GPC5: variants seen among roughly 807,000 people sequenced by gnomAD.
The protein encoded by GPC5 is glypican 5.
A neutral mutation model predicts 53.9 loss-of-function variants in GPC5; 47 were observed. That is an observed-to-expected ratio of 0.87 (90% CI 0.69 to 1.11). GPC5 has a LOEUF of 1.11. GPC5 is among the 50% of genes most tolerant of loss of function. The pLI is 0.00. For synonymous variants in GPC5, 286 were observed against 263.3 expected, an observed-to-expected ratio of 1.09 and a Z score of -0.84; for missense variants, 748 against 713.1, an observed-to-expected ratio of 1.05 and a Z score of -0.56.
chr13:91,539,627 G>T (rs1222572884), intron 2 of GPC5, among the ~76,000 whole-genome samples: 1 of 152,086 alleles, frequency 6.6e-6, no homozygotes, highest in East Asian at 1.9e-4. Context: ...CCACATGTGG[G>T]GTCAGCTGAG....
intron 7 of GPC5, among the ~76,000 whole-genome samples, chr13:92,379,636 T>G (rs1367184443): frequency 6.6e-6 from 1 of 151,606 alleles, no homozygotes; most frequent in African/African-American, 2.4e-5. Flanking sequence ...CCTCTCTGTG[T>G]CCTCTGCATA....
intron 3 of GPC5, among the ~76,000 whole-genome samples, chr13:91,707,560 G>T (rs1054619877): frequency 6.6e-6 from 1 of 152,164 alleles, no homozygotes; most frequent in African/African-American, 2.4e-5. Flanking sequence ...CATCCAGGCT[G>T]CAGTGAGCCA....
At chr13:92,100,945 G>GT (rs1204183028) in intron 6 of GPC5, among the ~76,000 whole-genome samples, 6 of 152,162 alleles carry the variant, frequency 3.9e-5, no homozygotes, top group Non-Finnish European at 5.9e-5. Context: ...AAAATGCAAA[G>GT]TGAATGTTAG....
intron 7 of GPC5, among the ~76,000 whole-genome samples, chr13:92,647,777 CTCT>C (rs1001371679): frequency 4.3e-4 from 65 of 152,182 alleles, no homozygotes; most frequent in African/African-American, 1.4e-3. Flanking sequence ...CTCTTCTGAA[CTCT>C]TCTTACTGTA....
intron 6 of GPC5, among the ~76,000 whole-genome samples, chr13:92,095,592 C>T (rs1156630675): frequency 2.6e-5 from 4 of 151,670 alleles, no homozygotes; most frequent in Non-Finnish European, 4.4e-5. Context: ...TGGAGTGCAA[C>T]GGAACCATCT....
At chr13:92,234,469 C>T (rs116875520) in intron 7 of GPC5, among the ~76,000 whole-genome samples, 1,825 of 152,190 alleles carry the variant, frequency 0.012, 18 homozygotes, top group Non-Finnish European at 0.018. Context: ...TAGGGAGCCT[C>T]ACAAGAGAGT....
intron 7 of GPC5, among the ~76,000 whole-genome samples, chr13:92,778,305 T>C (rs1030800028): frequency 9.8e-5 from 15 of 152,312 alleles, no homozygotes; most frequent in Admixed American, 2.0e-4. Context: ...TTATAATGTA[T>C]GGATTTCTAG....
At chr13:92,376,728 T>C (rs1359811762) in intron 7 of GPC5, among the ~76,000 whole-genome samples, 1 of 152,174 alleles carries the variant, frequency 6.6e-6, no homozygotes, top group Non-Finnish European at 1.5e-5. Context: ...GAAACTTCCC[T>C]GACTGGGCTG....
In GPC5 at chr13:92,551,406, G is replaced by GA. The variant is rs11289392; in HGVS notation, c.1562-314866dup. On this transcript the variant is annotated intron_variant, in intron 7 of 7. Coordinates refer to ENST00000377067, the MANE Select transcript of GPC5 (RefSeq NM_004466.6). ...TCAGATTAACCAGATATTTTCAAAG[G>GA]AAAAAAAAAATCTTGAATAACAGTG... Among the ~76,000 whole-genome samples, 210 of 150,474 alleles carry GA rather than the reference G, an allele frequency of 1.4e-3. 1 individual carries two copies. The East Asian group carries it at 0.024, about 17-fold the overall frequency.
At chr13:92,334,199 A>G (rs535644895) in intron 7 of GPC5, among the ~76,000 whole-genome samples, 251 of 152,300 alleles carry the variant, frequency 1.6e-3, no homozygotes, top group Non-Finnish European at 1.9e-3. Context: ...ACAGTTCCAC[A>G]TGGCTAGGGA....
At chr13:92,550,383 T>G (rs2139015196) in intron 7 of GPC5, among the ~76,000 whole-genome samples, 1 of 152,004 alleles carries the variant, frequency 6.6e-6, no homozygotes, top group Middle Eastern at 3.4e-3. Flanking sequence ...TGATAATACC[T>G]TTGTCATTTT....
intron 7 of GPC5, among the ~76,000 whole-genome samples, chr13:92,791,820 A>T (rs1011482679): frequency 6.6e-6 from 1 of 152,118 alleles, no homozygotes; most frequent in Non-Finnish European, 1.5e-5. Context: ...TTACTACATT[A>T]TTATTTTTTT....
At chr13:92,857,182 A>G (rs1370072375) in intron 7 of GPC5, among the ~76,000 whole-genome samples, 1 of 152,166 alleles carries the variant, frequency 6.6e-6, no homozygotes, top group Non-Finnish European at 1.5e-5. Flanking sequence ...GAAAGAACTG[A>G]TCTTTGACAA....
intron 6 of GPC5, among the ~76,000 whole-genome samples, chr13:92,036,239 T>C (rs531837392): frequency 6.6e-6 from 1 of 152,336 alleles, no homozygotes; most frequent in South Asian, 2.1e-4. Flanking sequence ...TTAATGGTTT[T>C]ACAGCATTGC....
chr13:92,050,335 A>C (rs2041017203), intron 6 of GPC5, among the ~76,000 whole-genome samples: 1 of 152,118 alleles, frequency 6.6e-6, no homozygotes, highest in Non-Finnish European at 1.5e-5. Context: ...TTTTTAAAAA[A>C]AGCAATAAGG....
chr13:92,450,881 A>G (rs565403396), intron 7 of GPC5, among the ~76,000 whole-genome samples: 2 of 152,190 alleles, frequency 1.3e-5, no homozygotes, highest in Non-Finnish European at 2.9e-5. Context: ...TGTCATCTTT[A>G]AGATGGAATA....
chr13:92,232,117 C>T (rs7987675), intron 7 of GPC5, among the ~76,000 whole-genome samples: 53,146 of 151,974 alleles, frequency 0.35, 9,721 homozygotes, highest in African/African-American at 0.46. Flanking sequence ...GCAGGCAGTA[C>T]TGGTTTACCT....
intron 6 of GPC5, among the ~76,000 whole-genome samples, chr13:91,922,030 G>C (rs989816367): frequency 7.2e-5 from 11 of 152,042 alleles, no homozygotes; most frequent in Non-Finnish European, 1.6e-4. Flanking sequence ...GTGAGGAAAA[G>C]GAAAGTAGGG....
At chr13:92,753,324 A>C (rs1939186388) in intron 7 of GPC5, among the ~76,000 whole-genome samples, 2 of 152,150 alleles carry the variant, frequency 1.3e-5, no homozygotes, top group Non-Finnish European at 1.5e-5. Flanking sequence ...CCAAAAACCC[A>C]TCTGTACATC....
Sources: gnomAD v4.1 joint callset for allele counts (sites outside exome capture counted in the v4.1 genomes callset) on GRCh38, gnomAD v4.1.1 for gene constraint, MANE v1.5 for transcripts, NCBI Gene and HGNC (gene_info 2026-07-23, HGNC 2026-07-21) for gene names.